Variants in MPPED1 observed in about 807,000 individuals in gnomAD.
MPPED1 encodes the protein metallophosphoesterase domain containing 1, also known as metallophosphoesterase domain-containing protein 1.
In MPPED1, 16 loss-of-function variants were observed where a neutral mutation model predicts 36.2. That is an observed-to-expected ratio of 0.44 (90% confidence interval 0.30 to 0.67). MPPED1 has a LOEUF of 0.67. Among genes scored for constraint, MPPED1 ranks in the 30% least tolerant of loss-of-function variants. The pLI, the probability that MPPED1 is intolerant of heterozygous loss-of-function variation, is 0.10. For synonymous variants in MPPED1, 199 were observed against 191.3 expected (o/e 1.04, Z -0.33); for missense variants, 307 against 453.4 (o/e 0.68, Z 2.93).
intron 6 of MPPED1, among the ~76,000 whole-genome samples, chr22:43,504,583 G>A (rs556977573): frequency 2.0e-4 from 30 of 151,942 alleles, no homozygotes; most frequent in Admixed American, 5.2e-4. Flanking sequence ...TGATGATGAT[G>A]TTGATGGTGA....
chr22:43,420,212 T>G (rs974579), intron 1 of MPPED1, among the ~76,000 whole-genome samples: 132,769 of 152,090 alleles, frequency 0.87, 58,069 homozygotes, highest in Middle Eastern at 0.97. Flanking sequence ...TGGGAACCCT[T>G]CTTTCTCTGA....
intron 3 of MPPED1, among the ~76,000 whole-genome samples, chr22:43,466,452 C>T (rs918229899): frequency 6.6e-6 from 1 of 152,214 alleles, no homozygotes; most frequent in Non-Finnish European, 1.5e-5. Flanking sequence ...CATTTCTGGG[C>T]TGTGCTATAC....
intron 3 of MPPED1, among the ~76,000 whole-genome samples, chr22:43,446,996 A>C (rs1601965902): frequency 6.6e-6 from 1 of 152,320 alleles, no homozygotes; most frequent in East Asian, 1.9e-4. Context: ...CTTAACTTGC[A>C]GCTCACCTGC....
chr22:43,504,465 TTGA>T (rs969026635), intron 6 of MPPED1, among the ~76,000 whole-genome samples: 7 of 151,894 alleles, frequency 4.6e-5, no homozygotes, highest in East Asian at 1.9e-4. Flanking sequence ...GACACCATTC[TTGA>T]TGATGGTGGT....
At chr22:43,436,634 C>G (rs535385508) in intron 3 of MPPED1, among the ~76,000 whole-genome samples, 33 of 152,380 alleles carry the variant, frequency 2.2e-4, no homozygotes, top group Non-Finnish European at 3.8e-4. Context: ...TGGGCTGCCT[C>G]CCAGGAGGGG....
chr22:43,452,756 G>A (rs1236647658), intron 3 of MPPED1, among the ~76,000 whole-genome samples: 1 of 151,742 alleles, frequency 6.6e-6, no homozygotes, highest in East Asian at 1.9e-4. Flanking sequence ...AGCTTCCCAA[G>A]TAGCTGGGAC....
intron 4 of MPPED1, among the ~76,000 whole-genome samples, chr22:43,483,096 G>C (rs1239225717): frequency 6.6e-6 from 1 of 152,250 alleles, no homozygotes; most frequent in Non-Finnish European, 1.5e-5. Context: ...TGTGGGAACT[G>C]AACAAGCTGG....
chr22:43,418,206 C>T (rs921663936), intron 1 of MPPED1: 6 of 455,496 alleles, frequency 1.3e-5, no homozygotes, highest in African/African-American at 2.0e-5. Context: ...TTTCGAGAGC[C>T]GGAGAGGATG....
intron 4 of MPPED1, among the ~76,000 whole-genome samples, chr22:43,479,613 C>T (rs1162871800): frequency 6.6e-6 from 1 of 152,210 alleles, no homozygotes; most frequent in Non-Finnish European, 1.5e-5. Flanking sequence ...GCCTAGTGCC[C>T]TTCCAGCCCC....
chr22:43,449,328 G>GGA (rs1930474812), intron 3 of MPPED1, among the ~76,000 whole-genome samples: 1 of 152,074 alleles, frequency 6.6e-6, no homozygotes, highest in Non-Finnish European at 1.5e-5. Flanking sequence ...GGCCCAGTGC[G>GGA]GAGAGGTGGT....
chr22:43,434,893 G>A (rs1240198084), intron 2 of MPPED1, 141 bp from the exon 3 acceptor site: 17 of 876,598 alleles, frequency 1.9e-5, no homozygotes, highest in Non-Finnish European at 3.0e-5. Context: ...CCCTGGGAAG[G>A]CTGGGCGTCC....
At chr22:43,429,727 G>A (rs766751442) in intron 2 of MPPED1, among the ~76,000 whole-genome samples, 1 of 152,238 alleles carries the variant, frequency 6.6e-6, no homozygotes, top group Non-Finnish European at 1.5e-5. Flanking sequence ...GGAATAGGAA[G>A]CAGGAAAGAG....
At chr22:43,427,003 T>G (rs910705332) in intron 2 of MPPED1, among the ~76,000 whole-genome samples, 7 of 152,162 alleles carry the variant, frequency 4.6e-5, no homozygotes, top group African/African-American at 1.7e-4. Context: ...CTTTTGCTGG[T>G]GAGGTTCATC....
In MPPED1 at chr22:43,505,850, C is replaced by T. The variant is rs1442237057; in HGVS notation, c.*234C>T. On this transcript the variant is annotated 3_prime_UTR_variant, in exon 7 of 7. Transcript: ENST00000443721. ...TTACTTTTTCTGCGTGTACATCCTG[C>T]GTGTACCTCGTTAAAGGACCTACTA... 3.6e-5 allele frequency: 18 copies of T among 499,440 alleles called. No individual in the cohort carries two copies. The South Asian group carries it at 3.7e-4, about 10-fold the overall frequency. 30.9% of individuals were successfully genotyped at this position (499,440 alleles called of 1,614,324 possible).
chr22:43,442,315 G>A (rs1346538703), intron 3 of MPPED1, among the ~76,000 whole-genome samples: 1 of 151,486 alleles, frequency 6.6e-6, no homozygotes, highest in Non-Finnish European at 1.5e-5. Context: ...CCAATGAACA[G>A]CATGCACAAG....
rs139351019 is a variant in MPPED1 at position 43,479,685 on chromosome 22, G to T, written c.632+4724G>T. Among the ~76,000 whole-genome samples the T allele has an allele frequency of 4.6e-4, 70 of 152,360 alleles. No homozygotes were observed. The East Asian group carries it at 0.012, about 27-fold the overall frequency. ...CTGGAAATTCCCCCTTAAGCAGAGG[G>T]ATGCATGGACCCATTCCCAGGAGGT... On this transcript the variant is annotated intron_variant, in intron 4 of 6. Transcript: ENST00000443721.
chr22:43,477,089 G>A (rs1220681746), intron 4 of MPPED1, among the ~76,000 whole-genome samples: 1 of 152,174 alleles, frequency 6.6e-6, no homozygotes, highest in Non-Finnish European at 1.5e-5. Context: ...AGATCCAGGA[G>A]GGCTCCCTGT....
intron 3 of MPPED1, among the ~76,000 whole-genome samples, chr22:43,471,528 A>G (rs1042993116): frequency 2.0e-5 from 3 of 152,174 alleles, no homozygotes; most frequent in African/African-American, 7.2e-5. Flanking sequence ...AAGAGGAGAT[A>G]ATAAAACCAA....
chr22:43,488,912 G>T (rs1041004655), intron 4 of MPPED1, among the ~76,000 whole-genome samples: 1 of 152,240 alleles, frequency 6.6e-6, no homozygotes, highest in African/African-American at 2.4e-5. Context: ...TGGTGAGGTT[G>T]GGTCCAGGCA....
Sources: gnomAD v4.1 joint callset for allele counts (sites outside exome capture counted in the v4.1 genomes callset) on GRCh38, gnomAD v4.1.1 for gene constraint, MANE v1.5 for transcripts, NCBI Gene and HGNC (gene_info 2026-07-23, HGNC 2026-07-21) for gene names.